TMPRSS4: variants seen among roughly 807,000 people sequenced by gnomAD.
TMPRSS4 encodes transmembrane serine protease 4.
TMPRSS4 carries 45 observed loss-of-function variants against 56.4 expected under a neutral mutation model. That is an observed-to-expected ratio of 0.80 (90% CI 0.63 to 1.02). The LOEUF (loss-of-function observed/expected upper bound fraction) is 1.02. TMPRSS4 is among the 50% of genes least tolerant of loss of function. The probability of loss-of-function intolerance (pLI) is 0.00; values close to 1 mark genes in which losing one functional copy is unlikely to be tolerated. For synonymous variants in TMPRSS4, 205 were observed against 211.0 expected, an observed-to-expected ratio of 0.97 and a Z score of 0.25; for missense variants, 546 against 556.7, an observed-to-expected ratio of 0.98 and a Z score of 0.19.
rs375143647 is a variant in TMPRSS4, at chr11:118,108,778, C to T, written c.543-78C>T. On this transcript the variant is annotated intron_variant, in intron 6 of 12. Coordinates refer to ENST00000437212, the MANE Select transcript of TMPRSS4 (RefSeq NM_019894.4). Reference sequence around the variant, plus strand: ...GGTATTGGGAGGGGACTTGAATTAACAGCTTCGGGAGGCCTGAGTCCCTGC... The same window carrying T: ...GGTATTGGGAGGGGACTTGAATTAATAGCTTCGGGAGGCCTGAGTCCCTGC... 8 of 1,499,596 alleles carry T rather than the reference C, an allele frequency of 5.3e-6. No individual in the cohort carries two copies. The African/African-American group carries it at 8.3e-5, about 16-fold the overall frequency. The allele number at this position is 1,499,596 out of a possible 1,614,324, so 92.9% of individuals were successfully genotyped here.
In TMPRSS4 at chr11:118,113,438, G is replaced by A; in HGVS notation, c.910+3G>A. The A allele has an allele frequency of 1.2e-6, 2 of 1,613,824 alleles. No homozygotes were observed. The highest frequency in any genetic ancestry group is 1.7e-4 in the Middle Eastern group (1 of 6,056). ...GCAGTTCCCACTCACTTTCTCAGGT[G>A]AGAAGCAGGGCCCAAGGCCACTCAA... On this transcript the variant is annotated splice_donor_region_variant and intron_variant, in intron 9 of 12. Coordinates refer to ENST00000437212, the MANE Select transcript of TMPRSS4 (RefSeq NM_019894.4).
At chr11:118,112,202 T>C (rs1947311830) in intron 8 of TMPRSS4, among the ~76,000 whole-genome samples, 2 of 151,996 alleles carry the variant, frequency 1.3e-5, no homozygotes, top group South Asian at 4.1e-4. Context: ...CTGCCTCAAC[T>C]TCCAAGAACT....
chr11:118,098,936 C>T, intron 2 of TMPRSS4, 49 bp from the exon 3 acceptor site: 1 of 1,476,084 alleles, frequency 6.8e-7, no homozygotes, highest in Non-Finnish European at 9.4e-7. Context: ...TCAGGGATCA[C>T]CAAGTGCTGA....
intron 1 of TMPRSS4, among the ~76,000 whole-genome samples, chr11:118,082,990 A>G (rs982282829): frequency 2.6e-5 from 4 of 152,068 alleles, no homozygotes; most frequent in Admixed American, 2.6e-4. Flanking sequence ...AGAGAGAAAA[A>G]CAGAGCTGCA....
chr11:118,090,821 A>AACAC (rs375243175), intron 1 of TMPRSS4, among the ~76,000 whole-genome samples: 1,542 of 140,408 alleles, frequency 0.011, 23 homozygotes, highest in African/African-American at 0.034. Flanking sequence ...CACACACACA[A>AACAC]ACACACACAC....
chr11:118,105,008 G>C (rs1946920117), intron 5 of TMPRSS4, among the ~76,000 whole-genome samples, 188 bp downstream of exon 5: 2 of 152,144 alleles, frequency 1.3e-5, no homozygotes, highest in African/African-American at 2.4e-5. Flanking sequence ...GGTTCCTCAG[G>C]AGTTAATTGG....
In TMPRSS4 at chr11:118,119,410, C is replaced by T; in HGVS notation, c.*1497C>T. On this transcript the variant is annotated 3_prime_UTR_variant, in exon 13 of 13. Coordinates refer to ENST00000437212, the MANE Select transcript of TMPRSS4 (RefSeq NM_019894.4). ...GAGCCTCAGGATTCCCAAAGATCCT[C>T]CAAATATGAGCTCACAATCAAAGAT... 1 of 946,638 alleles carries T rather than the reference C, an allele frequency of 1.1e-6. No individual in the cohort carries two copies. The highest frequency in any genetic ancestry group is 4.9e-5 in the South Asian group (1 of 20,378). 58.6% of individuals were successfully genotyped at this position (946,638 alleles called of 1,614,324 possible). A position where few individuals can be genotyped will look rare whatever the true frequency, so the allele number is the denominator to read the frequency against.
intron 5 of TMPRSS4, 85 bp from the exon 6 acceptor site, chr11:118,107,689 C>T: frequency 1.7e-6 from 2 of 1,158,150 alleles, no homozygotes; most frequent in Non-Finnish European, 2.5e-6. Context: ...GCCACTCTTT[C>T]TCCTGAAAGT....
At chr11:118,109,935 G>T (rs528169213) in intron 7 of TMPRSS4, among the ~76,000 whole-genome samples, 1 of 152,226 alleles carries the variant, frequency 6.6e-6, no homozygotes, top group African/African-American at 2.4e-5. Flanking sequence ...GCACTGAGTA[G>T]CCCTGAAGGC....
At position 118,111,919 on chromosome 11, in the gene TMPRSS4, G is replaced by A. The variant is rs1035870133; in HGVS notation, c.743+19G>A. On this transcript the variant is annotated intron_variant, in intron 8 of 12. Transcript: ENST00000437212. Reference sequence around the variant, plus strand: ...GCTTCAGGTAAGACCCCAGCTGTAAGGAGGTCTCTGGGGACCAAGGCCAGT... The same window carrying A: ...GCTTCAGGTAAGACCCCAGCTGTAAAGAGGTCTCTGGGGACCAAGGCCAGT... The A allele has an allele frequency of 6.3e-7, 1 of 1,597,594 alleles. No homozygotes were observed. Among genetic ancestry groups the A allele is most frequent in the African/African-American group, 1.4e-5 (1 of 73,880 alleles).
rs142510106 is a variant in TMPRSS4, at chr11:118,095,173, G to A, written c.43+318G>A. ...CCTGCCATGTGCCAGGCCCTAGGCT[G>A]GATGCTGGGCTATAACACTAATTAA... On this transcript the variant is annotated intron_variant, in intron 2 of 12. Coordinates refer to ENST00000437212, the MANE Select transcript of TMPRSS4 (RefSeq NM_019894.4). 1.6e-4 allele frequency: 54 copies of A among 339,812 alleles called. No homozygotes were observed. The East Asian group carries it at 3.1e-3, about 19-fold the overall frequency. 21.0% of individuals were successfully genotyped at this position (339,812 alleles called of 1,614,324 possible).
At chr11:118,094,319 T>C (rs1307217812) in intron 1 of TMPRSS4, among the ~76,000 whole-genome samples, 1 of 152,268 alleles carries the variant, frequency 6.6e-6, no homozygotes, top group African/African-American at 2.4e-5. Flanking sequence ...ATTAGTCTTT[T>C]AAATTTTAGC....
At chr11:118,111,658 G>A in intron 7 of TMPRSS4, 83 bp from the exon 8 acceptor site, 2 of 1,193,124 alleles carry the variant, frequency 1.7e-6, no homozygotes, top group Middle Eastern at 2.1e-4. Context: ...CCTGCTTAGA[G>A]CAGATTTTGG....
intron 7 of TMPRSS4, among the ~76,000 whole-genome samples, chr11:118,111,416 C>T (rs553206694): frequency 3.9e-5 from 6 of 152,072 alleles, no homozygotes; most frequent in East Asian, 1.9e-4. Flanking sequence ...GCAGGGCTTT[C>T]GTAATTCTGC....
chr11:118,115,390 A>C, intron 11 of TMPRSS4, 110 bp downstream of exon 11: 1 of 1,347,640 alleles, frequency 7.4e-7, no homozygotes, highest in Non-Finnish European at 1.0e-6. Flanking sequence ...TATCATGGGC[A>C]CTCAATGTGT....
chr11:118,118,988 C>G lies in TMPRSS4; in HGVS notation c.*1075C>G. 1.0e-6 allele frequency: 1 copy of G among 985,384 alleles called. No homozygotes were observed. Among genetic ancestry groups the G allele is most frequent in the African/African-American group, 1.7e-5 (1 of 57,340 alleles). The allele number at this position is 985,384 out of a possible 1,614,324, so 61.0% of individuals were successfully genotyped here. A position where few individuals can be genotyped will look rare whatever the true frequency, so the allele number is the denominator to read the frequency against. On this transcript the variant is annotated 3_prime_UTR_variant, in exon 13 of 13. Coordinates refer to ENST00000437212, the MANE Select transcript of TMPRSS4 (RefSeq NM_019894.4). ...TGGTCAAAGAATTAAACCCCATGGACTTTTTTGGCATCTGTATGAAAGCTT... is the reference window on the plus strand; with the variant it reads ...TGGTCAAAGAATTAAACCCCATGGAGTTTTTTGGCATCTGTATGAAAGCTT...
At chr11:118,104,653 C>T (rs752212171) in intron 4 of TMPRSS4, 38 bp from the exon 5 acceptor site, 15 of 1,612,804 alleles carry the variant, frequency 9.3e-6, no homozygotes, top group East Asian at 2.2e-5. Flanking sequence ...GCCAGTTGGG[C>T]CCCCCGTTCC....
chr11:118,077,417 G>A, intron 1 of TMPRSS4, 112 bp downstream of exon 1: 16 of 1,323,668 alleles, frequency 1.2e-5, no homozygotes, highest in Non-Finnish European at 1.6e-5. Context: ...CACCTTCTAG[G>A]TTAAAAAAAG....
At chr11:118,124,665 T>A (rs950291720), downstream of TMPRSS4, among the ~76,000 whole-genome samples, 2 of 152,212 alleles carry the variant, frequency 1.3e-5, no homozygotes, top group African/African-American at 4.8e-5. Flanking sequence ...CTTCTCTCAA[T>A]TATTGATATG....
Sources: allele counts gnomAD v4.1 joint callset (sites outside exome capture counted in the v4.1 genomes callset), GRCh38; gene constraint gnomAD v4.1.1; transcripts MANE v1.5; gene names NCBI Gene and HGNC (gene_info 2026-07-23, HGNC 2026-07-21).